Variants in EXD3 observed in about 807,000 individuals in gnomAD.
EXD3 encodes the protein exonuclease mut-7 homolog.
Under a neutral mutation model 98.0 loss-of-function variants are expected in EXD3, and 92 were observed. The ratio of observed to expected loss-of-function variants is 0.94; its 90% confidence interval spans 0.79 to 1.12. The LOEUF (loss-of-function observed/expected upper bound fraction) is 1.12. Among genes scored for constraint, EXD3 ranks in the 50% most tolerant of loss-of-function variants. The pLI is 0.00. For synonymous variants in EXD3, 569 were observed against 526.0 expected, an observed-to-expected ratio of 1.08 and a Z score of -1.12; for missense variants, 1,222 against 1,191.6, an observed-to-expected ratio of 1.03 and a Z score of -0.38.
intron 19 of EXD3, among the ~76,000 whole-genome samples, chr9:137,319,703 C>T (rs541898161): frequency 5.3e-5 from 8 of 152,318 alleles, no homozygotes; most frequent in Admixed American, 3.9e-4. Context: ...GGCCACCACC[C>T]GGCTGAGGCA....
chr9:137,371,346 C>A lies in EXD3; in HGVS notation c.462+1559G>T, dbSNP rs1411781748. On this transcript the variant is annotated intron_variant, in intron 5 of 21. Coordinates refer to ENST00000340951, the MANE Select transcript of EXD3 (RefSeq NM_017820.5). The surrounding 1 kb of genome is among the most constrained non-coding windows in gnomAD (Gnocchi z 8.0). ...CCATGCACCCGCCGCGAGACGACGG[C>A]CCCGGGCGTGGCAGGTGACAGCGCC... Among the ~76,000 whole-genome samples, 1 of 152,206 alleles carries A rather than the reference C, an allele frequency of 6.6e-6. No homozygotes were observed. The highest frequency in any genetic ancestry group is 2.1e-4 in the South Asian group (1 of 4,838).
chr9:137,351,128 G>A lies in EXD3; in HGVS notation c.1404C>T (p.Asp468=), dbSNP rs1203260281. Residue 468 remains aspartate, a synonymous_variant, in exon 14 of 22, where the codon GAC becomes GAT. Transcript: ENST00000340951. ...GGCAGGACGTGCCCAGTTTTTGCAG[G>A]TCCCCCACCATCCCGTAGCCTGTGG... ...ITKLGYGMVG[D]LQKLGTSCPA... is the part of the protein sequence containing the mutation. The A allele has an allele frequency of 1.3e-6, 2 of 1,580,432 alleles. No individual in the cohort carries two copies. Among genetic ancestry groups the A allele is most frequent in the Non-Finnish European group, 1.7e-6 (2 of 1,164,046 alleles).
In EXD3 at chr9:137,416,489, C is replaced by T. The variant is rs141447695; in HGVS notation, c.-48+6625G>A. 3.9e-4 allele frequency among the ~76,000 whole-genome samples: 59 copies of T among 152,374 alleles called. 1 individual carries two copies. In the East Asian group the frequency reaches 0.011, roughly 29 times the overall value. On this transcript the variant is annotated intron_variant, in intron 1 of 21. Transcript: ENST00000340951. ...CCTCCCAGGTCTCCACCAGAAACAT[C>T]CGGCCGGCCCAGCTGACCCCCGGGC...
intron 1 of EXD3, among the ~76,000 whole-genome samples, chr9:137,417,681 G>C (rs1210410299): frequency 1.3e-5 from 2 of 152,180 alleles, no homozygotes; most frequent in Non-Finnish European, 2.9e-5. Flanking sequence ...CGGCGGAGCA[G>C]CTTCCGCCAC....
rs374982842 is a variant in EXD3, at chr9:137,307,648, T to G, written c.2279-2A>C. 368 of 1,609,266 alleles carry G rather than the reference T, an allele frequency of 2.3e-4. No homozygotes were observed. The highest frequency in any genetic ancestry group is 2.9e-4 in the Non-Finnish European group (345 of 1,179,632). ...CCTGGCTCTGGGTGGCCTCGTCACC[T>G]GTCAGTCAAGGAAGAGAGCTGGTCC... On this transcript the variant is annotated splice_acceptor_variant, in intron 20 of 21. Transcript: ENST00000340951. LOFTEE classifies it high-confidence loss of function.
At chr9:137,408,251 G>T (rs967881803) in intron 1 of EXD3, among the ~76,000 whole-genome samples, 10 of 152,106 alleles carry the variant, frequency 6.6e-5, no homozygotes, top group African/African-American at 2.4e-4. Context: ...CTTTTAAGAG[G>T]GCTTTGGGGT....
intron 7 of EXD3, among the ~76,000 whole-genome samples, chr9:137,362,064 T>G (rs1045912913): frequency 6.6e-6 from 1 of 152,196 alleles, no homozygotes; most frequent in Admixed American, 6.5e-5. Context: ...AGCCCTATTT[T>G]AAGGAAAATG....
In EXD3 at chr9:137,403,538, C is replaced by T. The variant is rs1167199393; in HGVS notation, c.-47-8134G>A. 5.3e-5 allele frequency among the ~76,000 whole-genome samples: 8 copies of T among 152,254 alleles called. No individual in the cohort carries two copies. The highest frequency in any genetic ancestry group is 3.9e-4 in the East Asian group (2 of 5,138). The stretch of plus-strand genomic sequence containing the variant: ...GGTCCGTTTCAGCCCTCCAGACGCC[C>T]GTACCCAGGAAACCTGGGCCTCCAT... On this transcript the variant is annotated intron_variant, in intron 1 of 21. Transcript: ENST00000340951. The surrounding 1 kb of genome is among the most constrained non-coding windows in gnomAD (Gnocchi z 6.1).
Position 137,354,787 on chromosome 9 carries a change from C to A in EXD3, c.758-14G>T, listed in dbSNP as rs373948400. 1 of 1,606,982 alleles carries A rather than the reference C, an allele frequency of 6.2e-7. No homozygotes were observed. Among genetic ancestry groups the A allele is most frequent in the African/African-American group, 1.3e-5 (1 of 74,884 alleles). ...TGGGACACAGCGCTGAAAGGAAAGG[C>A]CAGCTCAGCACTGAGGGCTCAGGGC... is the stretch of plus-strand genomic sequence containing the variant. On this transcript the variant is annotated splice_polypyrimidine_tract_variant and intron_variant, in intron 8 of 21. Transcript: ENST00000340951.
chr9:137,308,599 G>A (rs928353826), intron 20 of EXD3, among the ~76,000 whole-genome samples: 1 of 150,944 alleles, frequency 6.6e-6, no homozygotes, highest in Non-Finnish European at 1.5e-5. Context: ...GGTGATGGTC[G>A]CTCCCCGTCC....
intron 3 of EXD3, 112 bp downstream of exon 3, chr9:137,383,200 TG>T (rs1033020396): frequency 1.3e-5 from 11 of 868,500 alleles, no homozygotes; most frequent in African/African-American, 6.7e-5. Context: ...CCTGTGGCCG[TG>T]GGGGGCTGTG....
intron 17 of EXD3, among the ~76,000 whole-genome samples, chr9:137,336,396 C>T (rs139956053): frequency 2.0e-4 from 31 of 152,318 alleles, no homozygotes; most frequent in African/African-American, 7.2e-4. Context: ...TGTGGTGGCT[C>T]ACGCCTGTAA....
chr9:137,328,568 T>G lies in EXD3; in HGVS notation c.1999-4425A>C, dbSNP rs1216517640. The stretch of plus-strand genomic sequence containing the variant: ...AACGGGTCAAAGGGAAGAAACAGAC[T>G]AGTTACACAGGAGCTACACGGGACT... On this transcript the variant is annotated intron_variant, in intron 17 of 21. Coordinates refer to ENST00000340951, the MANE Select transcript of EXD3 (RefSeq NM_017820.5). 6.9e-5 allele frequency among the ~76,000 whole-genome samples: 10 copies of G among 144,736 alleles called. 1 individual carries two copies. The highest frequency in any genetic ancestry group is 2.6e-4 in the African/African-American group (10 of 37,918). The allele number at this position is 144,736 out of a possible 152,430, so 95.0% of individuals were successfully genotyped here.
intron 2 of EXD3, among the ~76,000 whole-genome samples, chr9:137,390,087 A>C (rs1410634071): frequency 1.7e-5 from 2 of 121,194 alleles, no homozygotes; most frequent in East Asian, 2.5e-4. Context: ...GCGACATTGC[A>C]CTCCGGCCTG....
intron 3 of EXD3, chr9:137,374,867 G>C (rs568575245): frequency 1.4e-4 from 134 of 985,466 alleles, no homozygotes; most frequent in Non-Finnish European, 1.6e-4. Flanking sequence ...CCTAGCCCTA[G>C]TGAGTTCTAA....
chr9:137,354,106 C>A (rs1157335009), intron 10 of EXD3: 1 of 1,315,758 alleles, frequency 7.6e-7, no homozygotes, highest in African/African-American at 1.5e-5. Flanking sequence ...TGCCGTCTGC[C>A]TGGAACGAGG....
Position 137,353,649 on chromosome 9 carries a change from T to G in EXD3, c.870+690A>C, listed in dbSNP as rs759464934. On this transcript the variant is annotated intron_variant, in intron 10 of 21. Coordinates refer to ENST00000340951, the MANE Select transcript of EXD3 (RefSeq NM_017820.5). ...CCAGGAGCAGAGGCACCTACAGGCC[T>G]GCGGGACCCTCAGCCCCCGCTGGGA... The G allele has an allele frequency of 5.7e-4, 558 of 985,812 alleles. 1 individual carries two copies. The Middle Eastern group carries it at 8.4e-3, about 15-fold the overall frequency. 61.1% of individuals were successfully genotyped at this position (985,812 alleles called of 1,614,324 possible).
chr9:137,353,986 G>T, intron 10 of EXD3: 1 of 1,110,242 alleles, frequency 9.0e-7, no homozygotes. Context: ...GGGGGGCCTG[G>T]CCTTCCTCCT....
chr9:137,349,633 C>T lies in EXD3; in HGVS notation c.1495-102G>A, dbSNP rs944393959. The T allele has an allele frequency of 9.8e-6, 12 of 1,229,634 alleles. No homozygotes were observed. The highest frequency in any genetic ancestry group is 3.4e-5 in the South Asian group (2 of 58,200). The allele number at this position is 1,229,634 out of a possible 1,614,324, so 76.2% of individuals were successfully genotyped here. On this transcript the variant is annotated intron_variant, in intron 14 of 21. Coordinates refer to ENST00000340951, the MANE Select transcript of EXD3 (RefSeq NM_017820.5). The surrounding 1 kb of genome is among the most constrained non-coding windows in gnomAD (Gnocchi z 7.4). ...CCTGCGGGGGCTCTGGAGGAGGCCCCGCCCCCTCCACCAGCGGCCCCCACA... is the reference window on the plus strand; with the variant it reads ...CCTGCGGGGGCTCTGGAGGAGGCCCTGCCCCCTCCACCAGCGGCCCCCACA...
Sources: gnomAD v4.1 joint callset for allele counts (sites outside exome capture counted in the v4.1 genomes callset) on GRCh38, gnomAD v4.1.1 for gene constraint, Gnocchi (gnomAD v3.1) non-coding constraint, MANE v1.5 for transcripts, NCBI Gene and HGNC (gene_info 2026-07-23, HGNC 2026-07-21) for gene names.